The following UACA variants were observed in gnomAD, a reference collection of about 807,000 sequenced individuals.
UACA encodes the protein nuclear membrane binding protein.
UACA carries 112 observed loss-of-function variants against 160.5 expected under a neutral mutation model. That is an observed-to-expected ratio of 0.70 (90% CI 0.60 to 0.82). The LOEUF is 0.82. Among genes scored for constraint, UACA ranks in the 40% least tolerant of loss-of-function variants. The pLI, the probability that UACA is intolerant of heterozygous loss-of-function variation, is 0.00. For missense variants in UACA, 1,574 were observed against 1,614.6 expected, an observed-to-expected ratio of 0.97 and a Z score of 0.43; for synonymous variants, 557 against 568.4, an observed-to-expected ratio of 0.98 and a Z score of 0.29.
intron 1 of UACA, among the ~76,000 whole-genome samples, chr15:70,743,976 G>A (rs1899615738): frequency 6.6e-6 from 1 of 152,120 alleles, no homozygotes; most frequent in Non-Finnish European, 1.5e-5. Flanking sequence ...AGGGCACGGT[G>A]GCTCACGCCT....
chr15:70,694,109 C>A (rs1334236475), intron 3 of UACA, among the ~76,000 whole-genome samples: 1 of 152,070 alleles, frequency 6.6e-6, no homozygotes, highest in African/African-American at 2.4e-5. Context: ...CAAACAAAAG[C>A]CTTTTAGTTC....
At chr15:70,717,673 T>C (rs1898860429) in intron 1 of UACA, among the ~76,000 whole-genome samples, 1 of 152,192 alleles carries the variant, frequency 6.6e-6, no homozygotes, top group African/African-American at 2.4e-5. Context: ...CTCTCCATAC[T>C]CATATTTTAC....
intron 2 of UACA, among the ~76,000 whole-genome samples, chr15:70,695,828 ATTAT>A (rs1315053752): frequency 1.3e-5 from 2 of 151,580 alleles, no homozygotes; most frequent in African/African-American, 2.4e-5. Context: ...ACAATATTTC[ATTAT>A]TTATTTAGTC....
At chr15:70,743,185 C>T (rs1404433375) in intron 1 of UACA, among the ~76,000 whole-genome samples, 1 of 152,198 alleles carries the variant, frequency 6.6e-6, no homozygotes, top group Non-Finnish European at 1.5e-5. Context: ...AGGAAAAGTC[C>T]TTCTCATCTT....
chr15:70,752,412 C>G (rs1277082280), intron 1 of UACA, among the ~76,000 whole-genome samples: 1 of 152,088 alleles, frequency 6.6e-6, no homozygotes, highest in Non-Finnish European at 1.5e-5. Context: ...AGTAGGCACC[C>G]TGCTAATGCG....
At chr15:70,706,849 G>A (rs1427853767) in intron 1 of UACA, among the ~76,000 whole-genome samples, 13 of 152,142 alleles carry the variant, frequency 8.5e-5, no homozygotes, top group Admixed American at 7.2e-4. Context: ...ACTGAATACC[G>A]TTAAGATGTC....
At chr15:70,773,870 G>T in the UACA span, among the ~76,000 whole-genome samples, 1 of 152,168 alleles carries the variant, frequency 6.6e-6, no homozygotes, top group Admixed American at 6.5e-5. Flanking sequence ...AGAGTGTGAA[G>T]AATTTCTCAA....
chr15:70,769,338 CAAA>C, the UACA span, among the ~76,000 whole-genome samples: 1 of 77,720 alleles, frequency 1.3e-5, no homozygotes. Context: ...GACTCCGACT[CAAA>C]AAAAAAAAAA....
chr15:70,678,283 G>A, intron 10 of UACA, 77 bp from the exon 11 acceptor site: 2 of 917,070 alleles, frequency 2.2e-6, no homozygotes. Context: ...TTTAAAAGCA[G>A]TTCACTACCA....
At chr15:70,713,747 T>C (rs1202895177) in intron 1 of UACA, among the ~76,000 whole-genome samples, 1 of 152,190 alleles carries the variant, frequency 6.6e-6, no homozygotes, top group Admixed American at 6.5e-5. Flanking sequence ...GAATTTATAT[T>C]GAGCAATATT....
At chr15:70,758,105 A>C (rs1567003093) in intron 1 of UACA, among the ~76,000 whole-genome samples, 1 of 152,216 alleles carries the variant, frequency 6.6e-6, no homozygotes, top group Non-Finnish European at 1.5e-5. Context: ...CTTATTAAAA[A>C]ACTAATTAAA....
chr15:70,667,258 G>C lies in UACA; in HGVS notation c.3426C>G (p.Tyr1142Ter), dbSNP rs548726754. ...KEELKSMQRCYEKEQQTVTKL... is the reference protein window; with the variant it reads ...KEELKSMQRC ...TGGTCACTGTCTGCTGCTCTTTCTCGTAACACCTTTGCATACTCTTCAGTT... is the reference window on the plus strand; with the variant it reads ...TGGTCACTGTCTGCTGCTCTTTCTCCTAACACCTTTGCATACTCTTCAGTT... The change falls in exon 16 of 19, where the codon TAC becomes TAG. Residue 1142 changes from tyrosine to a stop codon, truncating the protein, a stop_gained. Transcript: ENST00000322954. LOFTEE classifies it high-confidence loss of function. The C allele has an allele frequency of 1.2e-6, 2 of 1,613,276 alleles. No individual in the cohort carries two copies. The highest frequency in any genetic ancestry group is 1.7e-6 in the Non-Finnish European group (2 of 1,179,824).
chr15:70,695,205 C>T (rs1898087112), intron 2 of UACA, 100 bp from the exon 3 acceptor site: 2 of 693,596 alleles, frequency 2.9e-6, no homozygotes, highest in African/African-American at 1.8e-5. Context: ...CACACGCACA[C>T]AAACACACAC....
intron 5 of UACA, 55 bp from the exon 6 acceptor site, chr15:70,687,875 A>AT: frequency 6.5e-7 from 1 of 1,542,740 alleles, no homozygotes; most frequent in Non-Finnish European, 8.9e-7. Context: ...TAAGACACAT[A>AT]GTGTTTTTCT....
intron 5 of UACA, 32 bp from the exon 6 acceptor site, chr15:70,687,852 G>A (rs1347940665): frequency 1.9e-6 from 3 of 1,601,832 alleles, no homozygotes; most frequent in Admixed American, 1.7e-5. Context: ...GATAAATGGT[G>A]AACATCTGTT....
At chr15:70,664,174 T>A (rs1896821924) in intron 17 of UACA, among the ~76,000 whole-genome samples, 1 of 152,188 alleles carries the variant, frequency 6.6e-6, no homozygotes, top group Non-Finnish European at 1.5e-5. Context: ...CAGGCACTTA[T>A]CCTTCTATAT....
intron 1 of UACA, among the ~76,000 whole-genome samples, chr15:70,749,713 A>G (rs2029920727): frequency 6.6e-6 from 1 of 151,404 alleles, no homozygotes; most frequent in Admixed American, 6.6e-5. Context: ...AAAAAAAAAA[A>G]AAAAAAAAGT....
chr15:70,677,203 T>C, intron 11 of UACA, 63 bp from the exon 12 acceptor site: 1 of 1,259,526 alleles, frequency 7.9e-7, no homozygotes, highest in East Asian at 2.4e-5. Flanking sequence ...AGGCATGAAC[T>C]TGGCAAAGAT....
At chr15:70,693,344 C>T (rs1355475041) in intron 3 of UACA, among the ~76,000 whole-genome samples, 1 of 152,108 alleles carries the variant, frequency 6.6e-6, no homozygotes, top group Non-Finnish European at 1.5e-5. Flanking sequence ...CCTGGTAAGA[C>T]CTAAGTAACA....
Sources: gnomAD v4.1 joint callset for allele counts (sites outside exome capture counted in the v4.1 genomes callset) on GRCh38, gnomAD v4.1.1 for gene constraint, MANE v1.5 for transcripts, NCBI Gene and HGNC (gene_info 2026-07-23, HGNC 2026-07-21) for gene names.